RBMS3: variants seen among roughly 807,000 people sequenced by gnomAD.
RBMS3 encodes RNA binding motif single stranded interacting protein 3.
In RBMS3, 27 loss-of-function variants were observed where a neutral mutation model predicts 66.8. That is an observed-to-expected ratio of 0.40 (90% CI 0.30 to 0.56). The LOEUF is 0.56. Among genes scored for constraint, RBMS3 ranks in the 20% least tolerant of loss-of-function variants. The probability of loss-of-function intolerance (pLI) is 0.40; values close to 1 mark genes in which losing one functional copy is unlikely to be tolerated. For synonymous variants in RBMS3, 188 were observed against 183.0 expected, an observed-to-expected ratio of 1.03 and a Z score of -0.22; for missense variants, 513 against 549.5, an observed-to-expected ratio of 0.93 and a Z score of 0.66.
chr3:29,584,054 C>A (rs1310578952), intron 3 of RBMS3, among the ~76,000 whole-genome samples: 1 of 152,130 alleles, frequency 6.6e-6, no homozygotes, highest in African/African-American at 2.4e-5. Flanking sequence ...AATCCTCCTC[C>A]TCATCTTGCT....
intron 2 of RBMS3, among the ~76,000 whole-genome samples, chr3:29,484,662 A>G (rs577812662): frequency 1.3e-5 from 2 of 152,122 alleles, no homozygotes; most frequent in Non-Finnish European, 2.9e-5. Context: ...TCAGAATATA[A>G]ATGGGTTGTA....
rs984935955 is a variant in RBMS3 at position 29,375,132 on chromosome 3, G to C, written c.76-59611G>C. Among the ~76,000 whole-genome samples the C allele has an allele frequency of 2.6e-5, 4 of 152,294 alleles. No individual in the cohort carries two copies. In the South Asian group the frequency reaches 8.3e-4, roughly 32 times the overall value. On this transcript the variant is annotated intron_variant, in intron 1 of 14. Coordinates refer to ENST00000383767, the MANE Select transcript of RBMS3 (RefSeq NM_001003793.3). ...GGGAAAGGATTTCTTATTTAATAAA[G>C]GGTTGGGAAAACTGGCTGGCTATAT...
At chr3:29,609,849 A>G (rs2048435759) in intron 4 of RBMS3, among the ~76,000 whole-genome samples, 1 of 152,022 alleles carries the variant, frequency 6.6e-6, no homozygotes, top group South Asian at 2.1e-4. Flanking sequence ...TTCTAATCAG[A>G]TGCAAGGGGA....
intron 7 of RBMS3, chr3:29,880,648 A>G: frequency 1.3e-6 from 1 of 748,692 alleles, no homozygotes; most frequent in African/African-American, 1.7e-5. Flanking sequence ...AGTGTTAGTT[A>G]TTGTGCTATT....
intron 1 of RBMS3, among the ~76,000 whole-genome samples, chr3:29,324,751 C>T (rs1369576537): frequency 6.6e-6 from 1 of 151,624 alleles, no homozygotes; most frequent in Non-Finnish European, 1.5e-5. Context: ...TTCTTTCCTT[C>T]TCTCCTTTTT....
At position 29,496,570 on chromosome 3, in the gene RBMS3, A is replaced by G. The variant is rs919519176; in HGVS notation, c.307+8071A>G. On this transcript the variant is annotated intron_variant, in intron 3 of 14. Transcript: ENST00000383767. The stretch of plus-strand genomic sequence containing the variant: ...TTTCTTGTCTTACAGCCAAGTTCGG[A>G]AAGAATATCCACTTTGATGGTAAAT... Among the ~76,000 whole-genome samples, 9 of 152,234 alleles carry G rather than the reference A, an allele frequency of 5.9e-5. 1 individual carries two copies. The highest frequency in any genetic ancestry group is 3.9e-4 in the Admixed American group (6 of 15,278).
chr3:29,341,939 A>G (rs2036303465), intron 1 of RBMS3, among the ~76,000 whole-genome samples: 2 of 152,154 alleles, frequency 1.3e-5, no homozygotes, highest in African/African-American at 2.4e-5. Context: ...TTGGATTAAA[A>G]CTGACGGGAC....
Position 29,434,798 on chromosome 3 carries a change from G to A in RBMS3, c.131G>A (p.Ser44Asn), listed in dbSNP as rs948618288. Reference sequence around the variant, plus strand: ...GCTCCTCCCAGCCCCAGCACAAACAGCAGCAGCAACAACAGCAGCAACAAC... The same window carrying A: ...GCTCCTCCCAGCCCCAGCACAAACAACAGCAGCAACAACAGCAGCAACAAC... ...PMAPPSPSTN[S>N]SSNNSSNNSS... Residue 44 changes from serine to asparagine, a missense_variant, in exon 2 of 15, where the codon AGC (serine) becomes AAC (asparagine). Coordinates refer to ENST00000383767, the MANE Select transcript of RBMS3 (RefSeq NM_001003793.3). 6 of 1,613,984 alleles carry A rather than the reference G, an allele frequency of 3.7e-6. No homozygotes were observed. Among genetic ancestry groups the A allele is most frequent in the East Asian group, 4.5e-5 (2 of 44,862 alleles).
At chr3:29,571,899 T>C (rs2046965407) in intron 3 of RBMS3, among the ~76,000 whole-genome samples, 1 of 152,160 alleles carries the variant, frequency 6.6e-6, no homozygotes, top group Non-Finnish European at 1.5e-5. Flanking sequence ...CTATCCAATA[T>C]CCAATCCACA....
intron 4 of RBMS3, among the ~76,000 whole-genome samples, chr3:29,738,764 A>C (rs2149347501): frequency 6.6e-6 from 1 of 152,216 alleles, no homozygotes; most frequent in East Asian, 1.9e-4. Flanking sequence ...TGTTTCCAAT[A>C]AGTTCCCAGG....
chr3:29,529,078 A>G (rs1309825995), intron 3 of RBMS3, among the ~76,000 whole-genome samples: 1 of 152,166 alleles, frequency 6.6e-6, no homozygotes, highest in African/African-American at 2.4e-5. Flanking sequence ...TAGTGGCAGA[A>G]TAGTCATTTG....
At chr3:29,697,852 T>A (rs9875155) in intron 4 of RBMS3, among the ~76,000 whole-genome samples, 1 of 152,092 alleles carries the variant, frequency 6.6e-6, no homozygotes, top group Non-Finnish European at 1.5e-5. Context: ...GCTCAAAAAA[T>A]TTCTGATTTT....
intron 1 of RBMS3, among the ~76,000 whole-genome samples, chr3:29,328,552 C>G (rs930701385): frequency 2.0e-5 from 3 of 152,086 alleles, no homozygotes; most frequent in Non-Finnish European, 4.4e-5. Context: ...TGGAATATGT[C>G]CTCTTTTCCC....
intron 2 of RBMS3, among the ~76,000 whole-genome samples, chr3:29,472,939 G>C (rs189582242): frequency 1.3e-5 from 2 of 151,150 alleles, no homozygotes; most frequent in Non-Finnish European, 2.9e-5. Flanking sequence ...TGGTAGAGCC[G>C]AGTGGTCTGT....
chr3:29,770,446 C>A (rs1177377618), intron 6 of RBMS3, among the ~76,000 whole-genome samples: 1 of 151,766 alleles, frequency 6.6e-6, no homozygotes, highest in Non-Finnish European at 1.5e-5. Context: ...TATGAAGCAC[C>A]AATAAGTAGC....
At chr3:29,320,304 G>T (rs2034930465) in intron 1 of RBMS3, among the ~76,000 whole-genome samples, 1 of 151,998 alleles carries the variant, frequency 6.6e-6, no homozygotes. Context: ...GGTTCAGGCT[G>T]CCTGTTTTTA....
intron 1 of RBMS3, among the ~76,000 whole-genome samples, chr3:29,302,346 A>G (rs1001902453): frequency 6.6e-6 from 1 of 151,922 alleles, no homozygotes; most frequent in Non-Finnish European, 1.5e-5. Context: ...CTTTCTGATT[A>G]TTGTTGTATA....
At chr3:29,681,118 C>G (rs191084314) in intron 4 of RBMS3, among the ~76,000 whole-genome samples, 1 of 152,316 alleles carries the variant, frequency 6.6e-6, no homozygotes, top group African/African-American at 2.4e-5. Flanking sequence ...CTATCTTTCT[C>G]TACTCTCTTA....
At position 29,536,121 on chromosome 3, in the gene RBMS3, T is replaced by A. The variant is rs1196418974; in HGVS notation, c.307+47622T>A. Among the ~76,000 whole-genome samples the A allele has an allele frequency of 3.3e-5, 5 of 152,252 alleles. No individual in the cohort carries two copies. In the South Asian group the frequency reaches 8.3e-4, roughly 25 times the overall value. On this transcript the variant is annotated intron_variant, in intron 3 of 14. Transcript: ENST00000383767. Reference sequence around the variant, plus strand: ...GTTAGCATGGTGGGTACTCTCAAACTATTTTGTTTTTTATTTGCATAGCTT... The same window carrying A: ...GTTAGCATGGTGGGTACTCTCAAACAATTTTGTTTTTTATTTGCATAGCTT...
Sources: allele counts gnomAD v4.1 joint callset (sites outside exome capture counted in the v4.1 genomes callset), GRCh38; gene constraint gnomAD v4.1.1; transcripts MANE v1.5; gene names NCBI Gene and HGNC (gene_info 2026-07-23, HGNC 2026-07-21).